Variants in ZNF385B observed in about 807,000 individuals in gnomAD.
The protein encoded by ZNF385B is zinc finger protein 385B, also known as zinc finger protein 533.
Under a neutral mutation model 39.2 loss-of-function variants are expected in ZNF385B, and 23 were observed. The observed-to-expected ratio is 0.59, with a 90% confidence interval of 0.42 to 0.83. The LOEUF (loss-of-function observed/expected upper bound fraction) is 0.83. ZNF385B is among the 40% of genes least tolerant of loss of function. The pLI, the probability that ZNF385B is intolerant of heterozygous loss-of-function variation, is 0.00. For synonymous variants in ZNF385B, 205 were observed against 222.6 expected (o/e 0.92, Z 0.70); for missense variants, 552 against 598.9 (o/e 0.92, Z 0.82).
intron 3 of ZNF385B, among the ~76,000 whole-genome samples, chr2:179,645,637 C>G (rs1196236810): frequency 6.6e-6 from 1 of 152,196 alleles, no homozygotes; most frequent in East Asian, 1.9e-4. Context: ...AGCCTGGAGA[C>G]TGCTTATGCG....
In ZNF385B at chr2:179,442,260, C is replaced by T. The variant is rs1309988202; in HGVS notation, c.*990G>A. On this transcript the variant is annotated 3_prime_UTR_variant, in exon 10 of 10. Coordinates refer to ENST00000410066, the MANE Select transcript of ZNF385B (RefSeq NM_152520.6). ...TCTGTACATTATTGCATTAGGGAGC[C>T]ACAAAATTATGTAGCATCATTACAA... 1 of 152,454 alleles carries T rather than the reference C, an allele frequency of 6.6e-6. No homozygotes were observed. Among genetic ancestry groups the T allele is most frequent in the Non-Finnish European group, 1.5e-5 (1 of 68,002 alleles). The allele number at this position is 152,454 out of a possible 1,614,324, so 9.4% of individuals were successfully genotyped here.
intron 3 of ZNF385B, among the ~76,000 whole-genome samples, chr2:179,676,321 G>C (rs373526556): frequency 6.7e-6 from 1 of 149,022 alleles, no homozygotes; most frequent in Non-Finnish European, 1.5e-5. Context: ...ATCTCCCGAC[G>C]TCATGATCCG....
At chr2:179,581,271 G>A (rs923345832) in intron 3 of ZNF385B, among the ~76,000 whole-genome samples, 1 of 152,066 alleles carries the variant, frequency 6.6e-6, no homozygotes, top group Non-Finnish European at 1.5e-5. Flanking sequence ...TACCAAGCAT[G>A]GTTCCTTCTA....
intron 6 of ZNF385B, among the ~76,000 whole-genome samples, chr2:179,474,252 T>A (rs914368526): frequency 6.6e-6 from 1 of 152,132 alleles, no homozygotes; most frequent in Non-Finnish European, 1.5e-5. Flanking sequence ...CAAACCTTCA[T>A]CCAGATGTAG....
chr2:179,718,953 T>C (rs894001623), intron 3 of ZNF385B, among the ~76,000 whole-genome samples: 3 of 110,644 alleles, frequency 2.7e-5, no homozygotes, highest in Admixed American at 1.7e-4. Context: ...TAAAACTCTG[T>C]GTGTGTGTGT....
In ZNF385B at chr2:179,801,636, G is replaced by A. The variant is rs975311583; in HGVS notation, c.-154-30964C>T. Among the ~76,000 whole-genome samples, 3 of 152,052 alleles carry A rather than the reference G, an allele frequency of 2.0e-5. No homozygotes were observed. The East Asian group carries it at 5.8e-4, about 29-fold the overall frequency. On this transcript the variant is annotated intron_variant, in intron 1 of 9. Coordinates refer to ENST00000410066, the MANE Select transcript of ZNF385B (RefSeq NM_152520.6). The stretch of plus-strand genomic sequence containing the variant: ...TGCCTAATTCAATTTTGAACCTCTA[G>A]GGCTTATCACGGCCCCTGCCATATA...
chr2:179,712,093 T>C (rs1222116739), intron 3 of ZNF385B, among the ~76,000 whole-genome samples: 1 of 152,116 alleles, frequency 6.6e-6, no homozygotes, highest in Admixed American at 6.5e-5. Context: ...ACTCTAATGA[T>C]ACACTATCTT....
chr2:179,445,035 G>C, intron 8 of ZNF385B, 58 bp from the exon 9 acceptor site: 1 of 1,440,904 alleles, frequency 6.9e-7, no homozygotes, highest in South Asian at 1.1e-5. Flanking sequence ...CATGTAAAAC[G>C]TATTTCTAGG....
intron 3 of ZNF385B, among the ~76,000 whole-genome samples, chr2:179,638,245 C>G (rs1267984820): frequency 6.6e-6 from 1 of 152,102 alleles, no homozygotes; most frequent in Non-Finnish European, 1.5e-5. Context: ...CAAATGAAAA[C>G]AATGACAACA....
intron 3 of ZNF385B, among the ~76,000 whole-genome samples, chr2:179,739,582 T>A (rs1701969727): frequency 6.6e-6 from 1 of 152,222 alleles, no homozygotes; most frequent in Non-Finnish European, 1.5e-5. Context: ...TGAAGCTTTT[T>A]ACAGCTTAGA....
At chr2:179,491,803 GTCC>G (rs1231211095) in intron 5 of ZNF385B, among the ~76,000 whole-genome samples, 1 of 152,084 alleles carries the variant, frequency 6.6e-6, no homozygotes, top group Non-Finnish European at 1.5e-5. Context: ...GGCTCACGCT[GTCC>G]TCCTGCTTTA....
At chr2:179,768,669 A>T (rs542596901) in intron 3 of ZNF385B, among the ~76,000 whole-genome samples, 11 of 152,244 alleles carry the variant, frequency 7.2e-5, no homozygotes, top group African/African-American at 2.6e-4. Context: ...CCCACCTCAA[A>T]CCTTGGGAGG....
At chr2:179,587,665 A>T (rs1182572182) in intron 3 of ZNF385B, among the ~76,000 whole-genome samples, 1 of 151,248 alleles carries the variant, frequency 6.6e-6, no homozygotes, top group Admixed American at 6.6e-5. Context: ...AACAAAAATA[A>T]AAACTTTCCC....
chr2:179,623,156 G>GA (rs1444355303), intron 3 of ZNF385B, among the ~76,000 whole-genome samples: 2 of 152,240 alleles, frequency 1.3e-5, no homozygotes, highest in Admixed American at 1.3e-4. Flanking sequence ...AACTAGAACA[G>GA]AAAATCAAGA....
At chr2:179,710,965 A>G (rs919891132) in intron 3 of ZNF385B, among the ~76,000 whole-genome samples, 16 of 152,198 alleles carry the variant, frequency 1.1e-4, no homozygotes, top group African/African-American at 3.9e-4. Flanking sequence ...ACCATCAACA[A>G]GATGAGACAA....
chr2:179,611,914 C>G (rs1689321698), intron 3 of ZNF385B, among the ~76,000 whole-genome samples: 1 of 151,606 alleles, frequency 6.6e-6, no homozygotes, highest in Admixed American at 6.6e-5. Context: ...GGGTCTCTTC[C>G]TCCTTCCCTT....
chr2:179,797,573 T>C (rs1309238853), intron 1 of ZNF385B, among the ~76,000 whole-genome samples: 1 of 152,224 alleles, frequency 6.6e-6, no homozygotes, highest in Non-Finnish European at 1.5e-5. Context: ...TATTTTAGCC[T>C]ATAGTTCCTC....
chr2:179,778,232 C>G (rs779633169), intron 1 of ZNF385B, among the ~76,000 whole-genome samples: 5 of 152,222 alleles, frequency 3.3e-5, no homozygotes, highest in African/African-American at 1.2e-4. Context: ...CCCTGCATGG[C>G]ACTGCTGTGC....
intron 3 of ZNF385B, among the ~76,000 whole-genome samples, chr2:179,708,839 G>C (rs993683927): frequency 7.9e-5 from 12 of 152,292 alleles, no homozygotes; most frequent in Middle Eastern, 3.4e-3. Context: ...AAGAATTTAG[G>C]CATTATAGGG....
Sources: allele counts gnomAD v4.1 joint callset (sites outside exome capture counted in the v4.1 genomes callset), GRCh38; gene constraint gnomAD v4.1.1; transcripts MANE v1.5; gene names NCBI Gene and HGNC (gene_info 2026-07-23, HGNC 2026-07-21).